Variants in RPLP0 observed in about 807,000 individuals in gnomAD.
RPLP0 encodes the protein ribosomal protein lateral stalk subunit P0.
For missense variants in RPLP0, 276 were observed against 402.9 expected, an observed-to-expected ratio of 0.69 and a Z score of 2.70; for synonymous variants, 137 against 153.4, an observed-to-expected ratio of 0.89 and a Z score of 0.79.
rs12580544 is a variant in RPLP0, at chr12:120,199,395, C to A, written c.145G>T (p.Gly49Trp). The change falls in exon 3 of 8, where the codon GGG becomes TGG. Residue 49 changes from glycine to tryptophan, a missense_variant. Transcript: ENST00000392514. Reference sequence around the variant, plus strand: ...TTGCCCATCAGCACCACAGCCTTCCCGCGAAGGGACATGCGGATCTGCTGC... The same window carrying A: ...TTGCCCATCAGCACCACAGCCTTCCAGCGAAGGGACATGCGGATCTGCTGC... ...QMQQIRMSLR[G>W]KAVVLMGKNT... 2 of 1,614,022 alleles carry A rather than the reference C, an allele frequency of 1.2e-6. No individual in the cohort carries two copies. Among genetic ancestry groups the A allele is most frequent in the African/African-American group, 2.7e-5 (2 of 74,914 alleles).
intron 2 of RPLP0, 75 bp downstream of exon 2, chr12:120,200,655 C>T: frequency 6.5e-7 from 1 of 1,527,408 alleles, no homozygotes; most frequent in South Asian, 1.2e-5. Flanking sequence ...AGTAGACCCT[C>T]AGCACATAGC....
In RPLP0 at chr12:120,198,406, C is replaced by A; in HGVS notation, c.651+148G>T. ...GTCTCCAAAAAAAAAAAAAAAAAAT[C>A]CTTCAACAATCTTATGTTGTTACTG... On this transcript the variant is annotated intron_variant, in intron 6 of 7. Transcript: ENST00000392514. This position sits in a 1 kb window ranked among gnomAD's most constrained non-coding sequence, Gnocchi z 4.1. The A allele has an allele frequency of 9.0e-6, 7 of 776,138 alleles. No homozygotes were observed. Among genetic ancestry groups the A allele is most frequent in the East Asian group, 2.9e-5 (1 of 34,028 alleles). 48.1% of individuals were successfully genotyped at this position (776,138 alleles called of 1,614,324 possible).
chr12:120,200,722 G>A lies in RPLP0; in HGVS notation c.54+8C>T. The stretch of plus-strand genomic sequence containing the variant: ...ATGAAGAGCAGAGGCGACCCACCCT[G>A]CACTTACGATGATCTTAAGGAAGTA... On this transcript the variant is annotated splice_region_variant and intron_variant, in intron 2 of 7. Coordinates refer to ENST00000392514, the MANE Select transcript of RPLP0 (RefSeq NM_001002.4). 2 of 1,609,696 alleles carry A rather than the reference G, an allele frequency of 1.2e-6. No individual in the cohort carries two copies. Among genetic ancestry groups the A allele is most frequent in the Non-Finnish European group, 1.7e-6 (2 of 1,178,194 alleles).
chr12:120,200,888 G>T lies in RPLP0; in HGVS notation c.-48-57C>A, dbSNP rs1445536833. 6 of 1,502,120 alleles carry T rather than the reference G, an allele frequency of 4.0e-6. No homozygotes were observed. The East Asian group carries it at 1.2e-4, about 31-fold the overall frequency. 93.0% of individuals were successfully genotyped at this position (1,502,120 alleles called of 1,614,324 possible). A position where few individuals can be genotyped will look rare whatever the true frequency, so the allele number is the denominator to read the frequency against. The stretch of plus-strand genomic sequence containing the variant: ...ACGCCGACACCCATCCCGCGGTCCC[G>T]GGCCTAAGAGGAGCAGGACACGCGC... On this transcript the variant is annotated intron_variant, in intron 1 of 7. Transcript: ENST00000392514.
chr12:120,201,002 T>TC, intron 1 of RPLP0, 81 bp downstream of exon 1: 2 of 682,416 alleles, frequency 2.9e-6, no homozygotes, highest in South Asian at 2.6e-5. Flanking sequence ...AGAATAGGAC[T>TC]CCATGTTCCC....
chr12:120,200,107 G>A, intron 2 of RPLP0: 3 of 456,052 alleles, frequency 6.6e-6, no homozygotes, highest in South Asian at 3.1e-5. Flanking sequence ...TCCTAAATAT[G>A]CAACAGCTTG....
chr12:120,196,771 G>A lies in RPLP0; in HGVS notation c.*2C>T. On this transcript the variant is annotated 3_prime_UTR_variant, in exon 8 of 8. Coordinates refer to ENST00000392514, the MANE Select transcript of RPLP0 (RefSeq NM_001002.4). ...CTGGCTAAGTTGGTTGCTTTTTGGT[G>A]ATTAGTCAAAGAGACCAAATCCCAT... 1 of 1,548,576 alleles carries A rather than the reference G, an allele frequency of 6.5e-7. No individual in the cohort carries two copies. Among genetic ancestry groups the A allele is most frequent in the Non-Finnish European group, 8.7e-7 (1 of 1,143,956 alleles).
Position 120,200,299 on chromosome 12 carries a change from T to C in RPLP0, c.54+431A>G, listed in dbSNP as rs1009003738. On this transcript the variant is annotated intron_variant, in intron 2 of 7. Transcript: ENST00000392514. ...CCAACATGGTGAATCCCTGTCTCTATTGAAAATACAAAAATTAGCTGGGTG... is the reference window on the plus strand; with the variant it reads ...CCAACATGGTGAATCCCTGTCTCTACTGAAAATACAAAAATTAGCTGGGTG... 80 of 337,460 alleles carry C rather than the reference T, an allele frequency of 2.4e-4. 1 individual carries two copies. Among genetic ancestry groups the C allele is most frequent in the African/African-American group, 1.5e-3 (67 of 45,940 alleles). The allele number at this position is 337,460 out of a possible 1,614,324, so 20.9% of individuals were successfully genotyped here. A position where few individuals can be genotyped will look rare whatever the true frequency, so the allele number is the denominator to read the frequency against.
rs750179515 is a variant in RPLP0, at chr12:120,196,945, G to C, written c.793-11C>G. 20 of 1,613,050 alleles carry C rather than the reference G, an allele frequency of 1.2e-5. No individual in the cohort carries two copies. The highest frequency in any genetic ancestry group is 1.6e-5 in the Non-Finnish European group (19 of 1,179,924). The stretch of plus-strand genomic sequence containing the variant: ...CAAGAAGGCCTTGACCTGAAAGGAG[G>C]GGGGAAGTGGTCAAAATGGTCATCC... On this transcript the variant is annotated splice_polypyrimidine_tract_variant and intron_variant, in intron 7 of 7. Transcript: ENST00000392514.
chr12:120,197,387 T>A lies in RPLP0; in HGVS notation c.727A>T (p.Asn243Tyr). The change falls in exon 7 of 8, where the codon AAC (asparagine) becomes TAC (tyrosine). Residue 243 changes from asparagine to tyrosine, a missense_variant. Physicochemically the swap from Asn to Tyr is moderately radical, Grantham distance 143. Coordinates refer to ENST00000392514, the MANE Select transcript of RPLP0 (RefSeq NM_001002.4). ...AAGGCCAGGACTCGTTTGTACCCGT[T>A]GATGATAGAATGGGGTACTGATGCA... ...TVASVPHSII[N>Y]GYKRVLALSV... The A allele has an allele frequency of 9.3e-6, 15 of 1,613,844 alleles. No individual in the cohort carries two copies. The highest frequency in any genetic ancestry group is 1.3e-5 in the Non-Finnish European group (15 of 1,179,792).
intron 2 of RPLP0, chr12:120,200,292 G>C: frequency 2.9e-6 from 1 of 344,428 alleles, no homozygotes; most frequent in South Asian, 2.2e-5. Flanking sequence ...GTGAATCCCT[G>C]TCTCTATTGA....
chr12:120,200,269 C>T, intron 2 of RPLP0: 2 of 358,698 alleles, frequency 5.6e-6, no homozygotes, highest in South Asian at 4.1e-5. Flanking sequence ...TCGAGACCAT[C>T]CTGGCCAACA....
At chr12:120,199,965 T>C (rs1195676464) in intron 2 of RPLP0, 2 of 449,756 alleles carry the variant, frequency 4.4e-6, no homozygotes, top group Non-Finnish European at 8.9e-6. Flanking sequence ...TGTGGGAAAA[T>C]GTAATACAAG....
At chr12:120,200,274 C>T in intron 2 of RPLP0, 1 of 354,434 alleles carries the variant, frequency 2.8e-6, no homozygotes, top group African/African-American at 2.2e-5. Flanking sequence ...ACCATCCTGG[C>T]CAACATGGTG....
At chr12:120,199,874 T>C (rs370086153) in intron 2 of RPLP0, 2 of 369,902 alleles carry the variant, frequency 5.4e-6, no homozygotes, top group Non-Finnish European at 1.1e-5. Flanking sequence ...AGCAACATTA[T>C]TATTTGTAAA....
rs955128000 is a variant in RPLP0, at chr12:120,197,032, A to T, written c.793-98T>A. 1.5e-5 allele frequency: 24 copies of T among 1,569,946 alleles called. No homozygotes were observed. The African/African-American group carries it at 3.1e-4, about 20-fold the overall frequency. On this transcript the variant is annotated intron_variant, in intron 7 of 7. Coordinates refer to ENST00000392514, the MANE Select transcript of RPLP0 (RefSeq NM_001002.4). ...AGAGTTTAAGGACCAACAATATCAA[A>T]GTCCGTGTGAAGCCTTTCCTGTCAG...
intron 2 of RPLP0, chr12:120,199,725 G>GTTTTTAA (rs1879336690): frequency 4.1e-6 from 2 of 487,432 alleles, no homozygotes; most frequent in South Asian, 4.6e-5. Context: ...TTTTTACTTA[G>GTTTTTAA]TTTTTAATTT....
At chr12:120,200,574 G>A (rs767256469) in intron 2 of RPLP0, 156 bp downstream of exon 2, 22 of 738,370 alleles carry the variant, frequency 3.0e-5, no homozygotes, top group Non-Finnish European at 3.9e-5. Flanking sequence ...TGCAACAGAA[G>A]GGACCTATCT....
At chr12:120,197,562 G>A in intron 6 of RPLP0, 100 bp from the exon 7 acceptor site, 1 of 1,409,692 alleles carries the variant, frequency 7.1e-7, no homozygotes, top group Non-Finnish European at 9.8e-7. Context: ...ATAATTGCCA[G>A]GTTGGCAGCT....
Sources: allele counts gnomAD v4.1 joint callset, GRCh38; gene constraint gnomAD v4.1.1; non-coding constraint Gnocchi (gnomAD v3.1); transcripts MANE v1.5; gene names NCBI Gene and HGNC (gene_info 2026-07-23, HGNC 2026-07-21).